GCC2: variants seen among roughly 807,000 people sequenced by gnomAD.
GCC2 encodes the protein GRIP and coiled-coil domain containing 2.
Under a neutral mutation model 210.6 loss-of-function variants are expected in GCC2, and 120 were observed. The ratio of observed to expected loss-of-function variants is 0.57; its 90% CI spans 0.49 to 0.66. The LOEUF is 0.66. GCC2 is among the 30% of genes least tolerant of loss of function. The pLI, the probability that GCC2 is intolerant of heterozygous loss-of-function variation, is 0.00. For synonymous variants in GCC2, 703 were observed against 652.7 expected (o/e 1.08, Z -1.17); for missense variants, 1,868 against 1,871.9 (o/e 1.00, Z 0.04).
chr2:108,455,363 G>A (rs903605448), intron 4 of GCC2, among the ~76,000 whole-genome samples: 12 of 151,978 alleles, frequency 7.9e-5, no homozygotes, highest in Admixed American at 2.6e-4. Flanking sequence ...CGCTTGAACC[G>A]AGGAGGCAGA....
intron 22 of GCC2, among the ~76,000 whole-genome samples, chr2:108,502,962 C>A (rs1195509816): frequency 6.7e-6 from 1 of 148,902 alleles, no homozygotes; most frequent in Non-Finnish European, 1.5e-5. Context: ...CAAGATAGTT[C>A]AAAAGAAATT....
rs144078912 is a variant in GCC2 at position 108,486,553 on chromosome 2, G to A, written c.3835G>A (p.Glu1279Lys). 2.1e-4 allele frequency: 334 copies of A among 1,614,000 alleles called. 1 individual carries two copies. Among genetic ancestry groups the A allele is most frequent in the Middle Eastern group, 9.9e-4 (6 of 6,060 alleles). ...EITSEKHKIH[E>K]HLKTSAEQHQ... is the part of the protein sequence containing the mutation. ...AACATCAGAGAAGCACAAAATCCAC[G>A]AGCACCTGAAAACCTCTGCGGAACA... Residue 1279 changes from glutamate to lysine, a missense_variant, in exon 16 of 23, where the codon GAG (glutamate) becomes AAG (lysine). Glu to Lys is a moderately conservative substitution (Grantham distance 56, BLOSUM62 1). Coordinates refer to ENST00000309863, the MANE Select transcript of GCC2 (RefSeq NM_181453.4).
At position 108,507,956 on chromosome 2, in the gene GCC2, A is replaced by G. The variant is rs1240945343; in HGVS notation, c.*326A>G. The G allele has an allele frequency of 1.1e-5, 2 of 186,384 alleles. No homozygotes were observed. The highest frequency in any genetic ancestry group is 4.8e-5 in the African/African-American group (2 of 41,580). The allele number at this position is 186,384 out of a possible 1,614,324, so 11.5% of individuals were successfully genotyped here. On this transcript the variant is annotated 3_prime_UTR_variant, in exon 23 of 23. Transcript: ENST00000309863. ...TTCTCGGCAGTACTGTGAATTTTGA[A>G]GTTAAACTAAATTTTGGTACCATAC...
chr2:108,490,868 G>C (rs1682372352), intron 18 of GCC2, among the ~76,000 whole-genome samples: 1 of 152,140 alleles, frequency 6.6e-6, no homozygotes, highest in South Asian at 2.1e-4. Flanking sequence ...CACAAATAAA[G>C]TACTGTTGAT....
chr2:108,476,054 C>CATTTTTTTTTTTTTTT (rs1558744710), intron 9 of GCC2, among the ~76,000 whole-genome samples: 1 of 96,328 alleles, frequency 1.0e-5, no homozygotes, highest in African/African-American at 3.8e-5. Flanking sequence ...TAGTGGCTTG[C>CATTTTTTTTTTTTTTT]TTTTTTTTTT....
intron 19 of GCC2, chr2:108,493,394 T>C: frequency 1.0e-6 from 1 of 970,992 alleles, no homozygotes; most frequent in South Asian, 4.6e-5. Context: ...GGCCGACACA[T>C]GTCTTAATTC....
rs375938109 is a variant in GCC2, at chr2:108,497,028, C to T, written c.4701C>T (p.Ser1567=). 1.7e-5 allele frequency: 27 copies of T among 1,611,986 alleles called. No individual in the cohort carries two copies. In the African/African-American group the frequency reaches 3.2e-4, roughly 19 times the overall value. ...TKEELVQKLS[S]TTKSADHLNG... is the part of the protein sequence containing the mutation. ...AAGAATTGGTTCAGAAGCTCAGTTC[C>T]ACCACAAAAAGTGCAGATCACTTAA... Residue 1567 remains serine (S), a synonymous_variant, in exon 21 of 23, where the codon TCC becomes TCT. Coordinates refer to ENST00000309863, the MANE Select transcript of GCC2 (RefSeq NM_181453.4).
At position 108,486,633 on chromosome 2, in the gene GCC2, G is replaced by A. The variant is rs1449777234; in HGVS notation, c.3915G>A (p.Glu1305=). The change falls in exon 16 of 23, where the codon GAG becomes GAA. Residue 1305 remains glutamate (E), a synonymous_variant. Coordinates refer to ENST00000309863, the MANE Select transcript of GCC2 (RefSeq NM_181453.4). ...YQQRVTALQE[E]CRAAKAEQAT... Reference sequence around the variant, plus strand: ...AGAGAGTGACAGCACTACAGGAAGAGTGCCGTGCTGCCAAGGTGCGTTCTT... The same window carrying A: ...AGAGAGTGACAGCACTACAGGAAGAATGCCGTGCTGCCAAGGTGCGTTCTT... The A allele has an allele frequency of 1.2e-6, 2 of 1,612,320 alleles. No individual in the cohort carries two copies. The highest frequency in any genetic ancestry group is 1.7e-6 in the Non-Finnish European group (2 of 1,179,362).
intron 7 of GCC2, 190 bp downstream of exon 7, chr2:108,473,089 A>G (rs528122265): frequency 5.2e-5 from 25 of 480,298 alleles, no homozygotes; most frequent in Non-Finnish European, 6.9e-5. Context: ...GTTACTTTCT[A>G]TTGTTTAACC....
Position 108,492,685 on chromosome 2 carries a change from C to T in GCC2, c.4342C>T (p.Arg1448Ter), listed in dbSNP as rs1205268592. 1.2e-6 allele frequency: 2 copies of T among 1,613,542 alleles called. No homozygotes were observed. Among genetic ancestry groups the T allele is most frequent in the South Asian group, 1.1e-5 (1 of 91,064 alleles). ...VLRNSFRDQVRHLQEEHRKTV... is the reference protein window; with the variant it reads ...VLRNSFRDQV The stretch of plus-strand genomic sequence containing the variant: ...TCGAAATAGCTTCCGAGATCAAGTG[C>T]GACATTTGCAGGAAGAACACAGAAA... Residue 1448 changes from arginine to a stop codon, truncating the protein, a stop_gained, in exon 19 of 23, where the codon CGA (arginine) becomes TGA (stop). Coordinates refer to ENST00000309863, the MANE Select transcript of GCC2 (RefSeq NM_181453.4). LOFTEE classifies it high-confidence loss of function.
At chr2:108,479,035 A>T (rs1268712188) in intron 9 of GCC2, among the ~76,000 whole-genome samples, 1 of 151,946 alleles carries the variant, frequency 6.6e-6, no homozygotes, top group Non-Finnish European at 1.5e-5. Context: ...CTACTAAAAA[A>T]TACAAAAAAA....
chr2:108,487,342 ATTATTGAG>A, intron 16 of GCC2, among the ~76,000 whole-genome samples: 1 of 152,342 alleles, frequency 6.6e-6, no homozygotes, highest in East Asian at 1.9e-4. Context: ...GAAAATATGT[ATTATTGAG>A]AGGCCTTTAA....
rs766868631 is a variant in GCC2, at chr2:108,471,739, C to T, written c.2410C>T (p.Arg804Cys). The T allele has an allele frequency of 2.2e-5, 35 of 1,612,464 alleles. No individual in the cohort carries two copies. In the East Asian group the frequency reaches 4.2e-4, roughly 20 times the overall value. Residue 804 changes from arginine to cysteine, a missense_variant, in exon 6 of 23, where the codon CGT becomes TGT. Around this residue, in one of 3 missense-constraint regions of GCC2, gnomAD observed 1,847 missense variants for 1,765.2 expected, o/e 1.05. Transcript: ENST00000309863. ...GGAAAAATGCAACCTGGCTTTTCAG[C>T]GTGATGAAAAAGTATTAGAGTTAGA... The part of the protein sequence containing the change: ...NEEKCNLAFQ[R>C]DEKVLELEKE...
chr2:108,468,849 C>A (rs575411548), intron 4 of GCC2, 131 bp from the exon 5 acceptor site: 5 of 586,812 alleles, frequency 8.5e-6, no homozygotes, highest in Non-Finnish European at 1.6e-5. Flanking sequence ...TTTCTCTTTG[C>A]GCAATGTGTT....
intron 22 of GCC2, among the ~76,000 whole-genome samples, chr2:108,502,194 G>T (rs1230710840): frequency 6.6e-6 from 1 of 152,072 alleles, no homozygotes; most frequent in African/African-American, 2.4e-5. Flanking sequence ...AGGACTTTAA[G>T]AACGTTTGCA....
At chr2:108,485,336 A>G (rs1413462087) in intron 13 of GCC2, among the ~76,000 whole-genome samples, 6 of 148,756 alleles carry the variant, frequency 4.0e-5, no homozygotes, top group Non-Finnish European at 7.5e-5. Context: ...AAAAAAAAAG[A>G]AAAAAAAAAG....
At chr2:108,487,646 A>G in intron 16 of GCC2, 53 bp from the exon 17 acceptor site, 3 of 1,485,218 alleles carry the variant, frequency 2.0e-6, no homozygotes, top group Non-Finnish European at 2.7e-6. Flanking sequence ...CTGAAAGAAA[A>G]TAGAAGGACC....
At chr2:108,500,201 T>C (rs1682849688) in intron 22 of GCC2, among the ~76,000 whole-genome samples, 1 of 152,136 alleles carries the variant, frequency 6.6e-6, no homozygotes, top group African/African-American at 2.4e-5. Context: ...GTCCACTTTC[T>C]AGGCAAATGC....
At chr2:108,449,535 G>A (rs957140238) in intron 1 of GCC2, 98 bp from the exon 2 acceptor site, 2 of 1,339,014 alleles carry the variant, frequency 1.5e-6, no homozygotes, top group African/African-American at 2.9e-5. Context: ...TCCACCACTT[G>A]ATTCCATAGA....
Sources: allele counts gnomAD v4.1 joint callset (sites outside exome capture counted in the v4.1 genomes callset), GRCh38; gene constraint gnomAD v4.1.1; regional missense constraint gnomAD v4.1.1; transcripts MANE v1.5; gene names NCBI Gene and HGNC (gene_info 2026-07-23, HGNC 2026-07-21).